Variants in SGSM2 observed in about 807,000 individuals in gnomAD.
SGSM2 encodes the protein small G protein signaling modulator 2, also known as RUN and TBC1 domain containing 1.
A neutral mutation model predicts 126.6 loss-of-function variants in SGSM2; 89 were observed. The ratio of observed to expected loss-of-function variants is 0.70; its 90% CI spans 0.59 to 0.84. The LOEUF (loss-of-function observed/expected upper bound fraction) is 0.84. SGSM2 is among the 40% of genes least tolerant of loss of function. The pLI is 0.00. For missense variants in SGSM2, 1,404 were observed against 1,416.6 expected, an observed-to-expected ratio of 0.99 and a Z score of 0.14; for synonymous variants, 614 against 574.3, an observed-to-expected ratio of 1.07 and a Z score of -0.99.
intron 2 of SGSM2, among the ~76,000 whole-genome samples, chr17:2,345,180 C>T (rs1226764985): frequency 2.6e-5 from 4 of 151,998 alleles, no homozygotes; most frequent in Non-Finnish European, 5.9e-5. Context: ...TTAGAATTCT[C>T]GGCCGGGCAC....
chr17:2,339,820 T>A (rs77547646), intron 1 of SGSM2, among the ~76,000 whole-genome samples: 5,776 of 152,096 alleles, frequency 0.038, 355 homozygotes, highest in African/African-American at 0.13. Flanking sequence ...GGTAAAGATG[T>A]AGTTGAAGCC....
intron 13 of SGSM2, 170 bp downstream of exon 13, chr17:2,371,585 T>A: frequency 1.3e-6 from 1 of 746,274 alleles, no homozygotes; most frequent in Non-Finnish European, 2.1e-6. Flanking sequence ...GTTATGGAAT[T>A]ACCATGAGCC....
In SGSM2 at chr17:2,355,566, A is replaced by G. The variant is rs79012489; in HGVS notation, c.134-6071A>G. On this transcript the variant is annotated intron_variant, in intron 2 of 23. Coordinates refer to ENST00000268989, the MANE Select transcript of SGSM2 (RefSeq NM_014853.3). Reference sequence around the variant, plus strand: ...AAGGGACCCCATATCTTAGAATGGTAGAATCGGGGTGTAAGAGTTGGGGGA... The same window carrying G: ...AAGGGACCCCATATCTTAGAATGGTGGAATCGGGGTGTAAGAGTTGGGGGA... Among the ~76,000 whole-genome samples the G allele has an allele frequency of 8.1e-3, 13 of 1,608 alleles. 1 individual carries two copies. Among genetic ancestry groups the G allele is most frequent in the Non-Finnish European group, 0.013 (9 of 714 alleles). 1.1% of individuals were successfully genotyped at this position (1,608 alleles called of 152,430 possible). A position where few individuals can be genotyped will look rare whatever the true frequency, so the allele number is the denominator to read the frequency against.
rs779476038 is a variant in SGSM2, at chr17:2,365,322, C to T, written c.1269C>T (p.Pro423=). 19 of 1,568,274 alleles carry T rather than the reference C, an allele frequency of 1.2e-5. No homozygotes were observed. The highest frequency in any genetic ancestry group is 2.3e-5 in the South Asian group (2 of 85,674). ...ATDYVFRIIY[P]GHRHEHITIN... ...ACTATGTGTTCCGGATCATCTACCC[C>T]GGCCACAGGCACGAGCACAGTGAGT... Residue 423 remains proline (P), a synonymous_variant, in exon 11 of 24, where the codon CCC becomes CCT. Transcript: ENST00000268989.
At chr17:2,344,643 C>T (rs1189016855) in intron 2 of SGSM2, among the ~76,000 whole-genome samples, 1 of 152,152 alleles carries the variant, frequency 6.6e-6, no homozygotes. Flanking sequence ...GGGAGACAGA[C>T]AGGAAACAAA....
In SGSM2 at chr17:2,367,221, C is replaced by T. The variant is rs200941549; in HGVS notation, c.1289-50C>T. On this transcript the variant is annotated intron_variant, in intron 11 of 23. Transcript: ENST00000268989. The surrounding 1 kb of genome is among the most constrained non-coding windows in gnomAD (Gnocchi z 4.0). ...CCCTTAAGGAGGGAGTCCGTCCTGCCCAGGGATGAGGGCCTCATGCCTCTG... is the reference window on the plus strand; with the variant it reads ...CCCTTAAGGAGGGAGTCCGTCCTGCTCAGGGATGAGGGCCTCATGCCTCTG... The T allele has an allele frequency of 2.3e-5, 37 of 1,579,602 alleles. No homozygotes were observed. In the East Asian group the frequency reaches 7.9e-4, roughly 34 times the overall value.
chr17:2,343,761 C>T, intron 2 of SGSM2, 141 bp downstream of exon 2: 1 of 680,948 alleles, frequency 1.5e-6, no homozygotes, highest in South Asian at 1.8e-5. Context: ...CTTTTGAAAT[C>T]CTCTTTGGCC....
At chr17:2,370,298 C>A (rs1025795590) in intron 12 of SGSM2, among the ~76,000 whole-genome samples, 2 of 152,278 alleles carry the variant, frequency 1.3e-5, no homozygotes, top group African/African-American at 4.8e-5. Context: ...TCTGTGGCTC[C>A]CTGGACCTGC....
chr17:2,365,439 G>C (rs2065523200), intron 11 of SGSM2, 98 bp downstream of exon 11: 1 of 1,376,952 alleles, frequency 7.3e-7, no homozygotes, highest in South Asian at 1.5e-5. Flanking sequence ...AGGGCCCACT[G>C]ACCAGGCCAG....
chr17:2,344,006 A>G (rs1253340357), intron 2 of SGSM2, among the ~76,000 whole-genome samples: 2 of 152,072 alleles, frequency 1.3e-5, no homozygotes, highest in Non-Finnish European at 2.9e-5. Flanking sequence ...GCTCTGACTG[A>G]TTTTGATTTT....
At position 2,372,686 on chromosome 17, in the gene SGSM2, G is replaced by T; in HGVS notation, c.1788+198G>T. 2.4e-6 allele frequency: 2 copies of T among 847,130 alleles called. No homozygotes were observed. Among genetic ancestry groups the T allele is most frequent in the East Asian group, 2.7e-5 (1 of 36,898 alleles). The allele number at this position is 847,130 out of a possible 1,614,324, so 52.5% of individuals were successfully genotyped here. On this transcript the variant is annotated intron_variant, in intron 15 of 23. Coordinates refer to ENST00000268989, the MANE Select transcript of SGSM2 (RefSeq NM_014853.3). The surrounding 1 kb of genome is among the most constrained non-coding windows in gnomAD (Gnocchi z 6.0). The stretch of plus-strand genomic sequence containing the variant: ...GGGGGCTGGACTGGGAAGCCGTCCT[G>T]CCTCCACATCGCCCTGTGACCCTGG...
rs1489477543 is a variant in SGSM2 at position 2,380,262 on chromosome 17, T to C, written c.*742T>C. 6.5e-6 allele frequency: 10 copies of C among 1,535,964 alleles called. No homozygotes were observed. The highest frequency in any genetic ancestry group is 7.0e-6 in the Non-Finnish European group (8 of 1,146,874). Reference sequence around the variant, plus strand: ...GCCACCCCACCCTTGCGTTCTGCATTAGGTACTTCCCTGAAAACCACGTGT... The same window carrying C: ...GCCACCCCACCCTTGCGTTCTGCATCAGGTACTTCCCTGAAAACCACGTGT... On this transcript the variant is annotated 3_prime_UTR_variant, in exon 24 of 24. Transcript: ENST00000268989.
At chr17:2,341,232 C>G (rs923992183) in intron 1 of SGSM2, among the ~76,000 whole-genome samples, 1 of 150,796 alleles carries the variant, frequency 6.6e-6, no homozygotes, top group Admixed American at 6.6e-5. Flanking sequence ...ATTCTTCTGC[C>G]TCAGCCTCTT....
rs1225480099 is a variant in SGSM2 at position 2,363,273 on chromosome 17, C to T, written c.672+139C>T. On this transcript the variant is annotated intron_variant, in intron 6 of 23. Coordinates refer to ENST00000268989, the MANE Select transcript of SGSM2 (RefSeq NM_014853.3). The surrounding 1 kb of genome is among the most constrained non-coding windows in gnomAD (Gnocchi z 4.2). ...CTGCCTCAGAAGAGCCTTCTCCGCA[C>T]AATAAAACTTAACACAAATGCCGGG... 3.9e-5 allele frequency: 52 copies of T among 1,339,450 alleles called. No homozygotes were observed. The highest frequency in any genetic ancestry group is 5.0e-5 in the Admixed American group (2 of 39,884). The allele number at this position is 1,339,450 out of a possible 1,614,324, so 83.0% of individuals were successfully genotyped here.
In SGSM2 at chr17:2,379,168, AC is replaced by A; in HGVS notation, c.3033del (p.Asn1011LysfsTer38). 1.9e-6 allele frequency: 3 copies of A among 1,614,136 alleles called. No homozygotes were observed. Among genetic ancestry groups the A allele is most frequent in the Non-Finnish European group, 2.5e-6 (3 of 1,179,998 alleles). On this transcript the variant is annotated frameshift_variant, in exon 23 of 24. Coordinates refer to ENST00000268989, the MANE Select transcript of SGSM2 (RefSeq NM_014853.3). LOFTEE classifies it high-confidence loss of function. ...TACCGAGAGATCATCCGTGACAACAACATGGACTTCACTGACATCATCAAGT... is the reference window on the plus strand; with the variant it reads ...TACCGAGAGATCATCCGTGACAACAAATGGACTTCACTGACATCATCAAGT... ...EAYREIIRDN[N>X]MDFTDIIKFF...
chr17:2,376,575 T>G (rs1368931393), intron 19 of SGSM2, 158 bp from the exon 20 acceptor site: 6 of 832,516 alleles, frequency 7.2e-6, no homozygotes, highest in Middle Eastern at 3.5e-4. Flanking sequence ...CGTGGGTTGT[T>G]CCCCGTTGTC....
At chr17:2,340,451 C>G (rs1466520912) in intron 1 of SGSM2, among the ~76,000 whole-genome samples, 1 of 152,142 alleles carries the variant, frequency 6.6e-6, no homozygotes, top group Admixed American at 6.6e-5. Context: ...TGCTTAGAAA[C>G]TGGACTATAC....
In SGSM2 at chr17:2,375,659, C is replaced by CA; in HGVS notation, c.2270dup (p.Asn757LysfsTer14). The CA allele has an allele frequency of 6.2e-7, 1 of 1,614,008 alleles. No homozygotes were observed. Among genetic ancestry groups the CA allele is most frequent in the Non-Finnish European group, 8.5e-7 (1 of 1,179,998 alleles). ...CAGACTCAGGACTGCCCTCCTCTCG[C>CA]AATTACTCCGTGGCCTCGGGCATCC... On this transcript the variant is annotated frameshift_variant, in exon 18 of 24. Transcript: ENST00000268989. LOFTEE classifies it high-confidence loss of function.
In SGSM2 at chr17:2,372,930, T is replaced by C. The variant is rs1181653838; in HGVS notation, c.1789-23T>C. 1 of 1,553,156 alleles carries C rather than the reference T, an allele frequency of 6.4e-7. No individual in the cohort carries two copies. The highest frequency in any genetic ancestry group is 2.4e-5 in the East Asian group (1 of 41,092). ...CACGGTGACTGTGGAGGCTGCACAGTCTTGACTCCCCGGGTCCCTCAGAAC... is the reference window on the plus strand; with the variant it reads ...CACGGTGACTGTGGAGGCTGCACAGCCTTGACTCCCCGGGTCCCTCAGAAC... On this transcript the variant is annotated intron_variant, in intron 15 of 23. Transcript: ENST00000268989. This position sits in a 1 kb window ranked among gnomAD's most constrained non-coding sequence, Gnocchi z 6.0.
Sources: gnomAD v4.1 joint callset for allele counts (sites outside exome capture counted in the v4.1 genomes callset) on GRCh38, gnomAD v4.1.1 for gene constraint, Gnocchi (gnomAD v3.1) non-coding constraint, MANE v1.5 for transcripts, NCBI Gene and HGNC (gene_info 2026-07-23, HGNC 2026-07-21) for gene names.